Variants in MACROD2 observed in about 807,000 individuals in gnomAD.
MACROD2 encodes the protein mono-ADP ribosylhydrolase 2, also known as ADP-ribose glycohydrolase MACROD2.
A neutral mutation model predicts 70.4 loss-of-function variants in MACROD2; 36 were observed. That is an observed-to-expected ratio of 0.51 (90% CI 0.39 to 0.68). MACROD2 has a LOEUF of 0.68. MACROD2 is among the 30% of genes least tolerant of loss of function. The pLI is 0.00. For synonymous variants in MACROD2, 172 were observed against 178.8 expected (o/e 0.96, Z 0.30); for missense variants, 496 against 538.4 (o/e 0.92, Z 0.78).
intron 8 of MACROD2, among the ~76,000 whole-genome samples, chr20:15,526,372 C>A (rs1340160193): frequency 6.6e-6 from 1 of 151,996 alleles, no homozygotes; most frequent in Non-Finnish European, 1.5e-5. Flanking sequence ...AACATAAATC[C>A]TCTAGAGAGT....
intron 4 of MACROD2, among the ~76,000 whole-genome samples, chr20:14,605,453 C>T (rs945764076): frequency 6.6e-6 from 1 of 152,096 alleles, no homozygotes; most frequent in African/African-American, 2.4e-5. Context: ...TTCTAATGAC[C>T]TCATTTTAAC....
chr20:15,362,426 G>GT (rs796668723), intron 6 of MACROD2, among the ~76,000 whole-genome samples: 13 of 141,442 alleles, frequency 9.2e-5, no homozygotes, highest in African/African-American at 2.4e-4. Flanking sequence ...TTAGCTGTAG[G>GT]TTTTTTTTAT....
At chr20:14,811,383 G>C (rs1447300566) in intron 5 of MACROD2, among the ~76,000 whole-genome samples, 1 of 152,040 alleles carries the variant, frequency 6.6e-6, no homozygotes, top group African/African-American at 2.4e-5. Flanking sequence ...CTGGCTAGCT[G>C]TATGCAGAAA....
At chr20:15,789,934 T>A (rs2147054098) in intron 8 of MACROD2, among the ~76,000 whole-genome samples, 1 of 152,096 alleles carries the variant, frequency 6.6e-6, no homozygotes, top group East Asian at 1.9e-4. Context: ...CTATGAAAAT[T>A]ATATAGAAAA....
chr20:15,107,314 A>G (rs1181078020), intron 5 of MACROD2, among the ~76,000 whole-genome samples: 1 of 152,084 alleles, frequency 6.6e-6, no homozygotes, highest in Non-Finnish European at 1.5e-5. Flanking sequence ...TATTTTTCAG[A>G]AAGTAATTTA....
intron 3 of MACROD2, among the ~76,000 whole-genome samples, chr20:14,299,221 T>G (rs773603148): frequency 2.6e-5 from 4 of 152,166 alleles, no homozygotes; most frequent in Non-Finnish European, 4.4e-5. Context: ...AGCCTGAAAT[T>G]GATGCAAGAC....
chr20:14,840,977 G>T (rs142587337), intron 5 of MACROD2, among the ~76,000 whole-genome samples: 10 of 152,170 alleles, frequency 6.6e-5, no homozygotes, highest in African/African-American at 2.4e-4. Flanking sequence ...GACGTGAAAC[G>T]AGTGTTATTA....
chr20:14,253,485 C>G (rs930677720), intron 3 of MACROD2, among the ~76,000 whole-genome samples: 3 of 151,896 alleles, frequency 2.0e-5, no homozygotes, highest in African/African-American at 7.2e-5. Flanking sequence ...CCCAAATATA[C>G]TAATTTCTCC....
At chr20:14,529,949 C>T (rs1197091497) in intron 4 of MACROD2, among the ~76,000 whole-genome samples, 1 of 152,100 alleles carries the variant, frequency 6.6e-6, no homozygotes, top group Non-Finnish European at 1.5e-5. Context: ...GAACCTAAAA[C>T]AATGATTTGA....
chr20:15,868,665 C>CA (rs927500449), intron 9 of MACROD2, among the ~76,000 whole-genome samples: 3 of 146,490 alleles, frequency 2.0e-5, no homozygotes, highest in African/African-American at 7.5e-5. Flanking sequence ...TGTGAGCTCA[C>CA]AAAATATGTT....
chr20:15,243,869 T>C (rs2077082476), intron 6 of MACROD2, among the ~76,000 whole-genome samples: 1 of 151,404 alleles, frequency 6.6e-6, no homozygotes, highest in African/African-American at 2.4e-5. Context: ...GAGCTTGCAG[T>C]GAGCCAAGAT....
intron 3 of MACROD2, chr20:14,324,325 T>C (rs1317662797): frequency 2.6e-5 from 4 of 152,542 alleles, no homozygotes; most frequent in Non-Finnish European, 5.9e-5. Flanking sequence ...AAAAGTGATA[T>C]GGTTTTTCAA....
intron 2 of MACROD2, among the ~76,000 whole-genome samples, chr20:14,026,545 A>T (rs190660785): frequency 5.3e-4 from 80 of 152,282 alleles, no homozygotes; most frequent in African/African-American, 1.9e-3. Context: ...CCTGATGGTG[A>T]TAAAGTCTCT....
In MACROD2 at chr20:15,220,774, G is replaced by A. The variant is rs1056800200; in HGVS notation, c.419-9166G>A. 2.6e-4 allele frequency among the ~76,000 whole-genome samples: 39 copies of A among 152,080 alleles called. 1 individual carries two copies. Among genetic ancestry groups the A allele is most frequent in the African/African-American group, 8.9e-4 (37 of 41,402 alleles). ...AGAAGAATTTTCAGAGAAAAAAATG[G>A]GGGGGGCTCTCCAGAAATGGGGAAA... On this transcript the variant is annotated intron_variant, in intron 5 of 17. Transcript: ENST00000684519.
intron 5 of MACROD2, among the ~76,000 whole-genome samples, chr20:14,976,749 G>C (rs1055862745): frequency 2.0e-5 from 3 of 152,080 alleles, no homozygotes; most frequent in Admixed American, 6.6e-5. Flanking sequence ...CCAACTCTGT[G>C]GCTTGAGTCA....
intron 4 of MACROD2, among the ~76,000 whole-genome samples, chr20:14,590,098 A>C (rs553755839): frequency 6.6e-6 from 1 of 152,254 alleles, no homozygotes; most frequent in Non-Finnish European, 1.5e-5. Flanking sequence ...TTAATAATCT[A>C]TATCTTTTGG....
At chr20:14,275,788 A>T (rs1417311576) in intron 3 of MACROD2, among the ~76,000 whole-genome samples, 1 of 151,966 alleles carries the variant, frequency 6.6e-6, no homozygotes, top group African/African-American at 2.4e-5. Flanking sequence ...TTTACAAGAA[A>T]AAAACAACCC....
chr20:14,151,296 G>A (rs1044698286), intron 3 of MACROD2, among the ~76,000 whole-genome samples: 2 of 151,864 alleles, frequency 1.3e-5, no homozygotes, highest in Admixed American at 1.3e-4. Flanking sequence ...TTCCTGACTT[G>A]AGGTTGTGAA....
intron 5 of MACROD2, among the ~76,000 whole-genome samples, chr20:15,157,349 ACCCCCCCCCACCT>A (rs200760650): frequency 1.8e-5 from 2 of 109,400 alleles, no homozygotes; most frequent in African/African-American, 7.0e-5. Context: ...CTAATTAACC[ACCCCCCCCCACCT>A]CCCCCCCCCC....
Sources: allele counts gnomAD v4.1 joint callset (sites outside exome capture counted in the v4.1 genomes callset), GRCh38; gene constraint gnomAD v4.1.1; transcripts MANE v1.5; gene names NCBI Gene and HGNC (gene_info 2026-07-23, HGNC 2026-07-21).